PLA2G6: variants seen among roughly 807,000 people sequenced by gnomAD.
The protein encoded by PLA2G6 is phospholipase A2 group VI.
In PLA2G6, 62 loss-of-function variants were observed where a neutral mutation model predicts 83.8. The observed-to-expected ratio is 0.74, with a 90% CI of 0.60 to 0.91. The LOEUF (loss-of-function observed/expected upper bound fraction) is 0.91. Among genes scored for constraint, PLA2G6 ranks in the 40% least tolerant of loss-of-function variants. The pLI is 0.00. For missense variants in PLA2G6, 944 were observed against 1,102.0 expected (o/e 0.86, Z 2.03); for synonymous variants, 417 against 449.8 (o/e 0.93, Z 0.92).
intron 14 of PLA2G6, among the ~76,000 whole-genome samples, chr22:38,114,136 TA>T (rs1351163703): frequency 4.6e-5 from 7 of 151,206 alleles, no homozygotes; most frequent in African/African-American, 1.7e-4. Context: ...GGCCACGTGG[TA>T]GGGAAGTAGG....
In PLA2G6 at chr22:38,132,743, G is replaced by A. The variant is rs924762746; in HGVS notation, c.1077+88C>T. On this transcript the variant is annotated intron_variant, in intron 7 of 16. Transcript: ENST00000332509. The surrounding 1 kb of genome is among the most constrained non-coding windows in gnomAD (Gnocchi z 5.0). ...TTGGAGCAGCTGACGATAGGAGGGA[G>A]ACAGTGGGGAGGAGGGCTCCAGTCC... is the stretch of plus-strand genomic sequence containing the variant. 13 of 1,157,630 alleles carry A rather than the reference G, an allele frequency of 1.1e-5. No individual in the cohort carries two copies. The Admixed American group carries it at 2.4e-4, about 22-fold the overall frequency. 71.7% of individuals were successfully genotyped at this position (1,157,630 alleles called of 1,614,324 possible). A position where few individuals can be genotyped will look rare whatever the true frequency, so the allele number is the denominator to read the frequency against.
At position 38,123,869 on chromosome 22, in the gene PLA2G6, CTT is replaced by C. The variant is rs1165874137; in HGVS notation, c.1428-613_1428-612del. ...ATTTATTTAGAGACGGAGTTTCACT[CTT>C]GTTGCCCAGGCTGGAGTGCAATAAC... is the stretch of plus-strand genomic sequence containing the variant. On this transcript the variant is annotated intron_variant, in intron 10 of 16. Coordinates refer to ENST00000332509, the MANE Select transcript of PLA2G6 (RefSeq NM_003560.4). This position sits in a 1 kb window ranked among gnomAD's most constrained non-coding sequence, Gnocchi z 4.1. Among the ~76,000 whole-genome samples the C allele has an allele frequency of 1.3e-5, 2 of 152,162 alleles. No individual in the cohort carries two copies. The highest frequency in any genetic ancestry group is 2.4e-5 in the African/African-American group (1 of 41,448).
intron 1 of PLA2G6, among the ~76,000 whole-genome samples, 197 bp from the exon 2 acceptor site, chr22:38,169,668 C>T (rs1344567467): frequency 6.6e-6 from 1 of 152,246 alleles, no homozygotes; most frequent in Non-Finnish European, 1.5e-5. Flanking sequence ...ACAGAACCCT[C>T]AGGCCAGGCT....
At chr22:38,118,890 A>G (rs2087365852) in intron 12 of PLA2G6, among the ~76,000 whole-genome samples, 1 of 151,712 alleles carries the variant, frequency 6.6e-6, no homozygotes, top group Non-Finnish European at 1.5e-5. Context: ...ATTAGCTGGG[A>G]CTACAGCCAT....
chr22:38,140,075 A>G lies in PLA2G6; in HGVS notation c.704T>C (p.Met235Thr). 1.2e-6 allele frequency: 2 copies of G among 1,614,068 alleles called. No homozygotes were observed. Among genetic ancestry groups the G allele is most frequent in the Non-Finnish European group, 8.5e-7 (1 of 1,179,986 alleles). ...HLACQLGKQE[M>T]VRVLLLCNAR... ...ATTGCACAGCAGCAGCACGCGGACC[A>G]TCTCCTGCTTCCCCAGCTGGCAGGC... is the stretch of plus-strand genomic sequence containing the variant. Residue 235 changes from methionine to threonine, a missense_variant, in exon 5 of 17, where the codon ATG becomes ACG. Coordinates refer to ENST00000332509, the MANE Select transcript of PLA2G6 (RefSeq NM_003560.4).
rs557025770 is a variant in PLA2G6, at chr22:38,159,845, GAC to G, written c.209+9371_209+9372del. Among the ~76,000 whole-genome samples, 6 of 152,148 alleles carry G rather than the reference GAC, an allele frequency of 3.9e-5. No individual in the cohort carries two copies. The South Asian group carries it at 1.2e-3, about 32-fold the overall frequency. On this transcript the variant is annotated intron_variant, in intron 2 of 16. Transcript: ENST00000332509. The stretch of plus-strand genomic sequence containing the variant: ...GATAGAGAAGGACTTCCTTAAACAA[GAC>G]ACAAAAAGTACACCGTAAAGAAGAT...
intron 1 of PLA2G6, among the ~76,000 whole-genome samples, chr22:38,174,417 A>G (rs1602288267): frequency 8.2e-6 from 1 of 122,588 alleles, no homozygotes; most frequent in Non-Finnish European, 1.8e-5. Flanking sequence ...AAGAAAGAAA[A>G]ACAAACGAAG....
At chr22:38,145,378 C>T (rs1289128088) in intron 3 of PLA2G6, 60 bp downstream of exon 3, 3 of 1,385,836 alleles carry the variant, frequency 2.2e-6, no homozygotes, top group African/African-American at 2.8e-5. Context: ...CCTGCGGCCC[C>T]CACTGCCCAC....
intron 2 of PLA2G6, 102 bp from the exon 3 acceptor site, chr22:38,145,755 C>G: frequency 1.5e-6 from 1 of 649,954 alleles, no homozygotes; most frequent in Non-Finnish European, 2.7e-6. Flanking sequence ...GCGGCCTGGC[C>G]AGCTCCAGCC....
At chr22:38,145,046 T>C (rs1393849440) in intron 3 of PLA2G6, 1 of 271,584 alleles carries the variant, frequency 3.7e-6, no homozygotes, top group Non-Finnish European at 7.4e-6. Context: ...TTTTTTTTTT[T>C]TTTTTTTTTC....
intron 2 of PLA2G6, among the ~76,000 whole-genome samples, chr22:38,153,406 G>A (rs762272509): frequency 1.3e-5 from 2 of 152,194 alleles, no homozygotes; most frequent in Non-Finnish European, 2.9e-5. Context: ...AGTGTGAAGC[G>A]ACAGCCTTGT....
At position 38,145,863 on chromosome 22, in the gene PLA2G6, C is replaced by A. The variant is rs938342645; in HGVS notation, c.210-210G>T. ...TATACACATGTAAATGACATAATGG[C>A]GTTTAGGTTAGACTTTCTTTGTTTT... On this transcript the variant is annotated intron_variant, in intron 2 of 16. Coordinates refer to ENST00000332509, the MANE Select transcript of PLA2G6 (RefSeq NM_003560.4). 3.4e-5 allele frequency: 20 copies of A among 580,494 alleles called. 1 individual carries two copies. The South Asian group carries it at 3.7e-4, about 11-fold the overall frequency. The allele number at this position is 580,494 out of a possible 1,614,324, so 36.0% of individuals were successfully genotyped here.
chr22:38,160,716 G>A (rs556587891), intron 2 of PLA2G6, among the ~76,000 whole-genome samples: 2 of 152,202 alleles, frequency 1.3e-5, no homozygotes, highest in South Asian at 4.2e-4. Flanking sequence ...GTGGTGGCGG[G>A]CACCTGTAGT....
chr22:38,118,191 C>A (rs1439107414), intron 12 of PLA2G6, among the ~76,000 whole-genome samples: 1 of 152,114 alleles, frequency 6.6e-6, no homozygotes, highest in African/African-American at 2.4e-5. Context: ...GGCCACAAAA[C>A]CAGAATAGGT....
chr22:38,178,896 A>AC (rs133026), intron 1 of PLA2G6, among the ~76,000 whole-genome samples: 17,368 of 152,062 alleles, frequency 0.11, 1,086 homozygotes, highest in South Asian at 0.18. Context: ...ACCAAAAAAA[A>AC]CCCCACAAAA....
At chr22:38,127,706 A>G (rs1277989121) in intron 9 of PLA2G6, among the ~76,000 whole-genome samples, 1 of 152,162 alleles carries the variant, frequency 6.6e-6, no homozygotes, top group African/African-American at 2.4e-5. Context: ...GGGCCAGCCC[A>G]CAGAAAGTCC....
intron 14 of PLA2G6, 77 bp from the exon 15 acceptor site, chr22:38,113,731 G>T: frequency 7.4e-7 from 1 of 1,343,062 alleles, no homozygotes; most frequent in African/African-American, 1.4e-5. Flanking sequence ...TCAAGGGGAG[G>T]CCCAAGACTG....
chr22:38,147,321 A>G (rs1222682168), intron 2 of PLA2G6: 1 of 167,668 alleles, frequency 6.0e-6, no homozygotes, highest in African/African-American at 2.4e-5. Flanking sequence ...CAGGGCTTTT[A>G]ACATACCAAA....
Position 38,145,464 on chromosome 22 carries a change from C to G in PLA2G6, c.399G>C (p.Glu133Asp). The G allele has an allele frequency of 1.2e-6, 2 of 1,610,298 alleles. No individual in the cohort carries two copies. Among genetic ancestry groups the G allele is most frequent in the Non-Finnish European group, 1.7e-6 (2 of 1,179,016 alleles). ...TGATGATACGGCTGTGATGGAAGCA[C>G]TCGCGGATCCCTAGCTCCACAGCCA... ...AHLAVELGIR[E>D]CFHHSRIISC... Residue 133 changes from glutamate (E) to aspartate (D), a missense_variant, in exon 3 of 17, where the codon GAG (glutamate) becomes GAC (aspartate). Transcript: ENST00000332509.
Sources: allele counts gnomAD v4.1 joint callset (sites outside exome capture counted in the v4.1 genomes callset), GRCh38; gene constraint gnomAD v4.1.1; non-coding constraint Gnocchi (gnomAD v3.1); transcripts MANE v1.5; gene names NCBI Gene and HGNC (gene_info 2026-07-23, HGNC 2026-07-21).